ING2: variants seen among roughly 807,000 people sequenced by gnomAD.
The protein encoded by ING2 is inhibitor of growth protein 2.
ING2 carries 7 observed loss-of-function variants against 30.6 expected under a neutral mutation model. The observed-to-expected ratio is 0.23, with a 90% CI of 0.13 to 0.43. The LOEUF (loss-of-function observed/expected upper bound fraction) is 0.43. ING2 is among the 20% of genes least tolerant of loss of function. The pLI is 1.00. For missense variants in ING2, 239 were observed against 334.9 expected, an observed-to-expected ratio of 0.71 and a Z score of 2.24; for synonymous variants, 136 against 121.7, an observed-to-expected ratio of 1.12 and a Z score of -0.78.
chr4:183,510,498 A>G lies in ING2; in HGVS notation c.389A>G (p.Glu130Gly). The G allele has an allele frequency of 1.2e-6, 2 of 1,614,150 alleles. No homozygotes were observed. Among genetic ancestry groups the G allele is most frequent in the Non-Finnish European group, 1.7e-6 (2 of 1,180,036 alleles). Reference sequence around the variant, plus strand: ...TCACAGTGTTTCCAAGATCCTGCTGAAAGTGAACGAGCCTCAGATAAAGCA... The same window carrying G: ...TCACAGTGTTTCCAAGATCCTGCTGGAAGTGAACGAGCCTCAGATAAAGCA... ...LHSQCFQDPAESERASDKAKM... is the reference protein window; with the variant it reads ...LHSQCFQDPAGSERASDKAKM... The change falls in exon 2 of 2, where the codon GAA (glutamate) becomes GGA (glycine). Residue 130 changes from glutamate to glycine, a missense_variant. Physicochemically the swap from Glu to Gly is moderately conservative, Grantham distance 98. Transcript: ENST00000302327.
intron 1 of ING2, 143 bp downstream of exon 1, chr4:183,505,510 T>G: frequency 2.4e-6 from 2 of 833,236 alleles, no homozygotes; most frequent in African/African-American, 1.8e-5. Context: ...GGAGACCGGG[T>G]TGGCGGCCCT....
Position 183,505,072 on chromosome 4 carries a change from C to T in ING2, c.-124C>T. ...TGGAGATCGGGGAGCGCGGCCGTGCCCTCTCGAGCGGCTGCGGGGTCCCCG... is the reference window on the plus strand; with the variant it reads ...TGGAGATCGGGGAGCGCGGCCGTGCTCTCTCGAGCGGCTGCGGGGTCCCCG... On this transcript the variant is annotated 5_prime_UTR_variant, in exon 1 of 2. Coordinates refer to ENST00000302327, the MANE Select transcript of ING2 (RefSeq NM_001564.4). The T allele has an allele frequency of 1.2e-6, 1 of 865,928 alleles. No homozygotes were observed. 53.6% of individuals were successfully genotyped at this position (865,928 alleles called of 1,614,324 possible).
chr4:183,506,887 G>C (rs997744533), intron 1 of ING2, among the ~76,000 whole-genome samples: 3 of 152,156 alleles, frequency 2.0e-5, no homozygotes, highest in Admixed American at 1.3e-4. Context: ...AACTCGTCCA[G>C]TTAATTCGAT....
rs931342855 is a variant in ING2 at position 183,512,341 on chromosome 4, G to T, written c.*1389G>T. Reference sequence around the variant, plus strand: ...GTCAGGTCATTCACCTGTAAAATGAGTTGGCTTAAATATCTCCGAGATTCC... The same window carrying T: ...GTCAGGTCATTCACCTGTAAAATGATTTGGCTTAAATATCTCCGAGATTCC... On this transcript the variant is annotated 3_prime_UTR_variant, in exon 2 of 2. Coordinates refer to ENST00000302327, the MANE Select transcript of ING2 (RefSeq NM_001564.4). 1.3e-5 allele frequency among the ~76,000 whole-genome samples: 2 copies of T among 152,072 alleles called. No homozygotes were observed. Among genetic ancestry groups the T allele is most frequent in the African/African-American group, 4.8e-5 (2 of 41,396 alleles).
Position 183,505,125 on chromosome 4 carries a change from C to T in ING2, c.-71C>T, listed in dbSNP as rs960628497. ...GCGCCGGGCTGCTGAGCTGAGGGCC[C>T]GCGGCGGCCGCGGCCGGTGCATGTG... is the stretch of plus-strand genomic sequence containing the variant. On this transcript the variant is annotated 5_prime_UTR_variant, in exon 1 of 2. Transcript: ENST00000302327. 1 of 1,434,742 alleles carries T rather than the reference C, an allele frequency of 7.0e-7. No individual in the cohort carries two copies. Among genetic ancestry groups the T allele is most frequent in the Non-Finnish European group, 9.2e-7 (1 of 1,092,668 alleles). The allele number at this position is 1,434,742 out of a possible 1,614,324, so 88.9% of individuals were successfully genotyped here. A position where few individuals can be genotyped will look rare whatever the true frequency, so the allele number is the denominator to read the frequency against.
intron 1 of ING2, chr4:183,506,155 C>G (rs986251660): frequency 3.9e-6 from 5 of 1,266,748 alleles, no homozygotes; most frequent in African/African-American, 1.5e-5. Flanking sequence ...GGCGAGCTGG[C>G]TGCTGGGGAG....
Position 183,505,061 on chromosome 4 carries a change from C to T in ING2, c.-135C>T, listed in dbSNP as rs1341920655. 20 of 711,320 alleles carry T rather than the reference C, an allele frequency of 2.8e-5. No individual in the cohort carries two copies. The highest frequency in any genetic ancestry group is 4.5e-4 in the Middle Eastern group (1 of 2,212). 44.1% of individuals were successfully genotyped at this position (711,320 alleles called of 1,614,324 possible). ...TCTGGGGGGAGTGGAGATCGGGGAG[C>T]GCGGCCGTGCCCTCTCGAGCGGCTG... On this transcript the variant is annotated 5_prime_UTR_variant, in exon 1 of 2. Transcript: ENST00000302327.
intron 1 of ING2, among the ~76,000 whole-genome samples, chr4:183,508,541 T>C (rs1734736148): frequency 6.6e-6 from 1 of 152,222 alleles, no homozygotes; most frequent in Admixed American, 6.5e-5. Flanking sequence ...CACTTTGTTA[T>C]ATATTCCAAG....
Position 183,505,225 on chromosome 4 carries a change from CTCG to C in ING2, c.34_36del (p.Ser12del), listed in dbSNP as rs761492555. 1 of 1,601,794 alleles carries C rather than the reference CTCG, an allele frequency of 6.2e-7. No homozygotes were observed. Among genetic ancestry groups the C allele is most frequent in the Non-Finnish European group, 8.5e-7 (1 of 1,175,344 alleles). ...TAGGGCAGCAGCAGCAGCAACTGTA[CTCG>C]TCGGCCGCGCTCCTGACCGGGGAGC... On this transcript the variant is annotated inframe_deletion, in exon 1 of 2. Coordinates refer to ENST00000302327, the MANE Select transcript of ING2 (RefSeq NM_001564.4).
intron 1 of ING2, chr4:183,505,995 G>A (rs931079225): frequency 3.6e-5 from 28 of 770,024 alleles, no homozygotes; most frequent in Non-Finnish European, 4.6e-5. Flanking sequence ...AGAGGGGAGG[G>A]GTCCCCCGCG....
In ING2 at chr4:183,510,880, G is replaced by C. The variant is rs1461409151; in HGVS notation, c.771G>C (p.Lys257Asn). The C allele has an allele frequency of 1.2e-6, 2 of 1,613,230 alleles. No homozygotes were observed. Among genetic ancestry groups the C allele is most frequent in the African/African-American group, 2.7e-5 (2 of 74,924 alleles). Residue 257 changes from lysine to asparagine, a missense_variant, in exon 2 of 2, where the codon AAG (lysine) becomes AAC (asparagine). Transcript: ENST00000302327. ...YKPKGKWYCP[K>N]CRGDNEKTMD... ...CAAAGGGGAAATGGTATTGCCCAAA[G>C]TGCAGGGGAGATAATGAGAAAACAA...
chr4:183,506,635 TTC>T (rs1345345859), intron 1 of ING2, among the ~76,000 whole-genome samples: 1 of 152,210 alleles, frequency 6.6e-6, no homozygotes. Context: ...CCTGGACCCA[TTC>T]TCTGTTTTTG....
In ING2 at chr4:183,510,877, A is replaced by G. The variant is rs1226070655; in HGVS notation, c.768A>G (p.Pro256=). Residue 256 remains proline, a synonymous_variant, in exon 2 of 2, where the codon CCA becomes CCG. Transcript: ENST00000302327. ...TYKPKGKWYC[P]KCRGDNEKTM... is the part of the protein sequence containing the mutation. The stretch of plus-strand genomic sequence containing the variant: ...AACCAAAGGGGAAATGGTATTGCCC[A>G]AAGTGCAGGGGAGATAATGAGAAAA... The G allele has an allele frequency of 6.2e-7, 1 of 1,614,120 alleles. No homozygotes were observed. Among genetic ancestry groups the G allele is most frequent in the African/African-American group, 1.3e-5 (1 of 75,062 alleles).
In ING2 at chr4:183,506,153, G is replaced by A. The variant is rs561387465; in HGVS notation, c.172+786G>A. 55 of 1,265,022 alleles carry A rather than the reference G, an allele frequency of 4.3e-5. No homozygotes were observed. The African/African-American group carries it at 8.0e-4, about 18-fold the overall frequency. 78.4% of individuals were successfully genotyped at this position (1,265,022 alleles called of 1,614,324 possible). A position where few individuals can be genotyped will look rare whatever the true frequency, so the allele number is the denominator to read the frequency against. On this transcript the variant is annotated intron_variant, in intron 1 of 1. Coordinates refer to ENST00000302327, the MANE Select transcript of ING2 (RefSeq NM_001564.4). ...GTCGCGAGAGGGGCGGTGGCGAGCT[G>A]GCTGCTGGGGAGGGAGTCGGGGCTG...
At chr4:183,505,424 G>C in intron 1 of ING2, 57 bp downstream of exon 1, 1 of 1,436,870 alleles carries the variant, frequency 7.0e-7, no homozygotes, top group Middle Eastern at 2.5e-4. Context: ...CTGTCCGGGG[G>C]AGTGCCACCT....
intron 1 of ING2, 64 bp downstream of exon 1, chr4:183,505,431 AC>A: frequency 7.1e-7 from 1 of 1,401,508 alleles, no homozygotes; most frequent in East Asian, 2.8e-5. Context: ...GGGGAGTGCC[AC>A]CTTCCCTTTC....
In ING2 at chr4:183,505,123, C is replaced by T. The variant is rs1033359370; in HGVS notation, c.-73C>T. On this transcript the variant is annotated 5_prime_UTR_variant, in exon 1 of 2. Coordinates refer to ENST00000302327, the MANE Select transcript of ING2 (RefSeq NM_001564.4). Reference sequence around the variant, plus strand: ...CGGCGCCGGGCTGCTGAGCTGAGGGCCCGCGGCGGCCGCGGCCGGTGCATG... The same window carrying T: ...CGGCGCCGGGCTGCTGAGCTGAGGGTCCGCGGCGGCCGCGGCCGGTGCATG... 1.4e-6 allele frequency: 2 copies of T among 1,428,408 alleles called. No individual in the cohort carries two copies. The highest frequency in any genetic ancestry group is 1.5e-5 in the African/African-American group (1 of 66,288). 88.5% of individuals were successfully genotyped at this position (1,428,408 alleles called of 1,614,324 possible). A position where few individuals can be genotyped will look rare whatever the true frequency, so the allele number is the denominator to read the frequency against.
rs200510526 is a variant in ING2, at chr4:183,510,625, C to T, written c.516C>T (p.Asp172=). The change falls in exon 2 of 2, where the codon GAC becomes GAT. Residue 172 remains aspartate (D), a synonymous_variant. Transcript: ENST00000302327. ...GTCACATGGCAAATGGGATTGAAGA[C>T]TGTGATGATCAGCCACCTAAAGAAA... The part of the protein sequence containing the change: ...DLCHMANGIE[D]CDDQPPKEKK... The T allele has an allele frequency of 9.3e-6, 15 of 1,614,064 alleles. No individual in the cohort carries two copies. The East Asian group carries it at 2.9e-4, about 31-fold the overall frequency.
chr4:183,506,382 C>A, intron 1 of ING2: 2 of 1,122,906 alleles, frequency 1.8e-6, no homozygotes, highest in Non-Finnish European at 2.4e-6. Flanking sequence ...GACTGGGCAA[C>A]CGCCTGGCGT....
Sources: allele counts gnomAD v4.1 joint callset (sites outside exome capture counted in the v4.1 genomes callset), GRCh38; gene constraint gnomAD v4.1.1; transcripts MANE v1.5; gene names NCBI Gene and HGNC (gene_info 2026-07-23, HGNC 2026-07-21).